NEDD1: variants seen among roughly 807,000 people sequenced by gnomAD.
NEDD1 encodes protein NEDD1.
In NEDD1, 33 loss-of-function variants were observed where a neutral mutation model predicts 74.0. The observed-to-expected ratio is 0.45, with a 90% confidence interval of 0.34 to 0.60. NEDD1 has a LOEUF of 0.60. Ranked by LOEUF, NEDD1 falls within the 20% of genes least tolerant of loss-of-function variation. The probability of loss-of-function intolerance (pLI) is 0.01; values close to 1 mark genes in which losing one functional copy is unlikely to be tolerated. For synonymous variants in NEDD1, 250 were observed against 264.4 expected (o/e 0.95, Z 0.53); for missense variants, 746 against 776.5 (o/e 0.96, Z 0.47).
rs546282538 is a variant in NEDD1, at chr12:96,930,111, C to T, written c.490-4865C>T. 9.1e-5 allele frequency among the ~76,000 whole-genome samples: 13 copies of T among 142,514 alleles called. No individual in the cohort carries two copies. The South Asian group carries it at 1.1e-3, about 12-fold the overall frequency. 93.5% of individuals were successfully genotyped at this position (142,514 alleles called of 152,430 possible). On this transcript the variant is annotated intron_variant, in intron 6 of 15. Coordinates refer to ENST00000266742, the MANE Select transcript of NEDD1 (RefSeq NM_152905.4). ...CATCTAGTTTGTTGTAAATGTTGTC[C>T]GTGGGATTTTAGTTTTTGGTCATCT...
intron 6 of NEDD1, among the ~76,000 whole-genome samples, chr12:96,934,181 T>C (rs1876843216): frequency 6.6e-6 from 1 of 150,980 alleles, no homozygotes. Context: ...ATCTAAAATA[T>C]AGAAAACAAA....
Position 96,936,795 on chromosome 12 carries a change from T to G in NEDD1, c.904T>G (p.Ser302Ala). 1 of 1,603,476 alleles carries G rather than the reference T, an allele frequency of 6.2e-7. No individual in the cohort carries two copies. The highest frequency in any genetic ancestry group is 8.5e-7 in the Non-Finnish European group (1 of 1,170,570). The change falls in exon 8 of 16, where the codon TCC becomes GCC. Residue 302 changes from serine to alanine, a missense_variant. Around this residue, in one of 3 missense-constraint regions of NEDD1, gnomAD observed 706 missense variants for 706.7 expected, o/e 1.00. Transcript: ENST00000266742. ...TGTGCAGTGTATAGCATTTCAGTAC[T>G]CCACTGTTCTTACTAAGGTGAGACA... ...TSVQCIAFQYSTVLTKSSLNK... is the reference protein window; with the variant it reads ...TSVQCIAFQYATVLTKSSLNK...
rs1304111236 is a variant in NEDD1, at chr12:96,909,743, T to C, written c.-8-9T>C. The C allele has an allele frequency of 2.5e-6, 4 of 1,601,638 alleles. No individual in the cohort carries two copies. The East Asian group carries it at 8.9e-5, about 36-fold the overall frequency. On this transcript the variant is annotated splice_polypyrimidine_tract_variant and intron_variant, in intron 2 of 15. Transcript: ENST00000266742. ...GTTTTTAAAATACATTGTTTTAAAC[T>C]ATTTGTAGGCGCAGTCATGCAGGAA...
rs981594972 is a variant in NEDD1, at chr12:96,947,366, G to C, written c.1811+1517G>C. Among the ~76,000 whole-genome samples the C allele has an allele frequency of 1.6e-4, 25 of 152,284 alleles. 2 individuals carry two copies. The highest frequency in any genetic ancestry group is 8.5e-4 in the Admixed American group (13 of 15,288). ...CAGATTTAGAAAGGTACACTGAAGA[G>C]ATTTTATTTTATACTGATGTGTGTG... On this transcript the variant is annotated intron_variant, in intron 14 of 15. Transcript: ENST00000266742.
chr12:96,920,433 G>A (rs1049099663), intron 6 of NEDD1, among the ~76,000 whole-genome samples: 1 of 152,072 alleles, frequency 6.6e-6, no homozygotes, highest in African/African-American at 2.4e-5. Flanking sequence ...CAGCATTACT[G>A]TTATAGAAAT....
rs754855019 is a variant in NEDD1, at chr12:96,935,105, G to C, written c.619G>C (p.Ala207Pro). Residue 207 changes from alanine (A) to proline (P), a missense_variant, in exon 7 of 16, where the codon GCT (alanine) becomes CCT (proline). Transcript: ENST00000266742. ...PYHNFDSVHK[A>P]PASGICFSPV... ...CCATAACTTTGACAGTGTACACAAAGCTCCAGCGTCAGGCATCTGTTTTTC... is the reference window on the plus strand; with the variant it reads ...CCATAACTTTGACAGTGTACACAAACCTCCAGCGTCAGGCATCTGTTTTTC... The C allele has an allele frequency of 6.2e-7, 1 of 1,613,016 alleles. No homozygotes were observed. The highest frequency in any genetic ancestry group is 1.1e-5 in the South Asian group (1 of 91,060).
intron 6 of NEDD1, among the ~76,000 whole-genome samples, chr12:96,933,850 A>G (rs996465584): frequency 1.3e-5 from 2 of 152,226 alleles, no homozygotes; most frequent in African/African-American, 4.8e-5. Context: ...CAAGTTTGAC[A>G]GTAACATTTT....
chr12:96,926,510 A>T (rs1323575297), intron 6 of NEDD1, among the ~76,000 whole-genome samples: 22 of 149,476 alleles, frequency 1.5e-4, no homozygotes, highest in African/African-American at 5.4e-4. Flanking sequence ...TTACATACTT[A>T]TGTTTTCCTT....
rs747225218 is a variant in NEDD1 at position 96,932,442 on chromosome 12, T to TAAAAAAAA, written c.490-2519_490-2512dup. ...GGCAAAATGGCAAAATCCTGTCTCT[T>TAAAAAAAA]AAAAAAAAAAAAAAAAAAAAAATAT... On this transcript the variant is annotated intron_variant, in intron 6 of 15. Transcript: ENST00000266742. Among the ~76,000 whole-genome samples, 38 of 10,650 alleles carry TAAAAAAAA rather than the reference T, an allele frequency of 3.6e-3. 4 individuals carry two copies. In the East Asian group the frequency reaches 0.042, roughly 12 times the overall value. 7.0% of individuals were successfully genotyped at this position (10,650 alleles called of 152,430 possible).
chr12:96,939,029 G>A (rs193177473), intron 9 of NEDD1, among the ~76,000 whole-genome samples: 1 of 152,128 alleles, frequency 6.6e-6, no homozygotes, highest in East Asian at 1.9e-4. Flanking sequence ...TGTATTGGAA[G>A]TACCTGGCAC....
intron 1 of NEDD1, 46 bp downstream of exon 1, chr12:96,907,346 G>T (rs1163263149): frequency 2.0e-5 from 8 of 390,504 alleles, no homozygotes; most frequent in African/African-American, 1.5e-4. Flanking sequence ...CGCCCGCCGC[G>T]TCCGCGCACC....
chr12:96,941,699 T>C (rs1311963428), intron 10 of NEDD1, among the ~76,000 whole-genome samples: 1 of 152,140 alleles, frequency 6.6e-6, no homozygotes, highest in Non-Finnish European at 1.5e-5. Flanking sequence ...GTGTTTGAGT[T>C]ATAAATTAAA....
chr12:96,943,729 G>A lies in NEDD1; in HGVS notation c.1464G>A (p.Met488Ile), dbSNP rs1565811522. ...DLTAESKKIY[M>I]GKQESKDSFK... is the part of the protein sequence containing the mutation. ...CAGCTGAGTCTAAGAAAATATATAT[G>A]GGAAAACAGGAATCTAAAGACTCCT... The change falls in exon 12 of 16, where the codon ATG (methionine) becomes ATA (isoleucine). Residue 488 changes from methionine (M) to isoleucine (I), a missense_variant. Met to Ile is a conservative substitution (Grantham distance 10). Around this residue, in one of 3 missense-constraint regions of NEDD1, gnomAD observed 706 missense variants for 706.7 expected, o/e 1.00. Coordinates refer to ENST00000266742, the MANE Select transcript of NEDD1 (RefSeq NM_152905.4). 6.2e-7 allele frequency: 1 copy of A among 1,611,514 alleles called. No homozygotes were observed.
chr12:96,924,531 A>T (rs1000559018), intron 6 of NEDD1, among the ~76,000 whole-genome samples: 5 of 152,084 alleles, frequency 3.3e-5, no homozygotes, highest in Non-Finnish European at 5.9e-5. Context: ...CTTTTAGTAG[A>T]TTTATTACCA....
intron 7 of NEDD1, among the ~76,000 whole-genome samples, chr12:96,936,277 C>T (rs1877077260): frequency 6.6e-6 from 1 of 152,112 alleles, no homozygotes; most frequent in South Asian, 2.1e-4. Flanking sequence ...AGGCCAGAGC[C>T]CCTGTTTGTG....
In NEDD1 at chr12:96,929,624, T is replaced by TATA. The variant is rs34602531; in HGVS notation, c.490-5352_490-5351insATA. Among the ~76,000 whole-genome samples, 995 of 125,306 alleles carry TATA rather than the reference T, an allele frequency of 7.9e-3. 23 individuals are homozygous for TATA. The highest frequency in any genetic ancestry group is 0.026 in the African/African-American group (755 of 28,828). The allele number at this position is 125,306 out of a possible 152,430, so 82.2% of individuals were successfully genotyped here. ...ACATATGTGTATATATATATATATA[T>TATA]TTTTTTTTTAATGGCTGCTTGCTTT... On this transcript the variant is annotated intron_variant, in intron 6 of 15. Coordinates refer to ENST00000266742, the MANE Select transcript of NEDD1 (RefSeq NM_152905.4).
At chr12:96,925,617 T>C (rs1258981398) in intron 6 of NEDD1, among the ~76,000 whole-genome samples, 1 of 152,192 alleles carries the variant, frequency 6.6e-6, no homozygotes, top group Non-Finnish European at 1.5e-5. Flanking sequence ...TCTTGTCTCT[T>C]TGTGCAGGAG....
chr12:96,940,267 G>A (rs541130473), intron 9 of NEDD1, 142 bp from the exon 10 acceptor site: 31 of 450,802 alleles, frequency 6.9e-5, no homozygotes, highest in African/African-American at 6.1e-4. Flanking sequence ...TTTAGCTCTT[G>A]TCATATTCTG....
rs1878122943 is a variant in NEDD1 at position 96,945,712 on chromosome 12, T to C, written c.1674T>C (p.Ser558=). The change falls in exon 14 of 16, where the codon TCT becomes TCC. Residue 558 remains serine (S), a synonymous_variant. Coordinates refer to ENST00000266742, the MANE Select transcript of NEDD1 (RefSeq NM_152905.4). ...SSTPNPKIAS[S]VTAGVASSLS... ...TTTTAGATCCAAAGATAGCATCTTC[T>C]GTCACTGCTGGAGTTGCCAGTTCAC... 1.9e-6 allele frequency: 3 copies of C among 1,601,282 alleles called. No individual in the cohort carries two copies. The highest frequency in any genetic ancestry group is 1.7e-5 in the Admixed American group (1 of 59,858).
Sources: allele counts gnomAD v4.1 joint callset (sites outside exome capture counted in the v4.1 genomes callset), GRCh38; gene constraint gnomAD v4.1.1; regional missense constraint gnomAD v4.1.1; transcripts MANE v1.5; gene names NCBI Gene and HGNC (gene_info 2026-07-23, HGNC 2026-07-21).